Variants in ZNF536 observed in about 807,000 individuals in gnomAD.
ZNF536 encodes zinc finger protein 536.
ZNF536 carries 13 observed loss-of-function variants against 84.5 expected under a neutral mutation model. The ratio of observed to expected loss-of-function variants is 0.15; its 90% CI spans 0.10 to 0.24. The LOEUF (loss-of-function observed/expected upper bound fraction) is 0.24, where lower values mean the gene tolerates loss of function less well. Ranked by LOEUF, ZNF536 falls within the 10% of genes least tolerant of loss-of-function variation. The probability of loss-of-function intolerance (pLI) is 1.00; values close to 1 mark genes in which losing one functional copy is unlikely to be tolerated. For synonymous variants in ZNF536, 811 were observed against 742.5 expected, an observed-to-expected ratio of 1.09 and a Z score of -1.50; for missense variants, 1,536 against 1,747.5, an observed-to-expected ratio of 0.88 and a Z score of 2.16.
chr19:30,427,936 T>A (rs899807264), intron 1 of ZNF536, among the ~76,000 whole-genome samples: 1 of 152,192 alleles, frequency 6.6e-6, no homozygotes, highest in Non-Finnish European at 1.5e-5. Flanking sequence ...AACCTTGCTA[T>A]TGTTTTGATT....
Position 30,605,432 on chromosome 19 carries a change from A to G in ZNF536, c.169+55918A>G, listed in dbSNP as rs561310797. Among the ~76,000 whole-genome samples the G allele has an allele frequency of 1.5e-4, 23 of 152,208 alleles. No individual in the cohort carries two copies. The East Asian group carries it at 3.9e-3, about 26-fold the overall frequency. ...AGCTCCCACTTCTAACTGAGAACATACAGTATTTGGTTTTCCATTCCTGAG... is the reference window on the plus strand; with the variant it reads ...AGCTCCCACTTCTAACTGAGAACATGCAGTATTTGGTTTTCCATTCCTGAG... On this transcript the variant is annotated intron_variant, in intron 1 of 1. Coordinates refer to the ZNF536 transcript ENST00000592773.
chr19:30,498,863 G>A (rs759995428), intron 2 of ZNF536, among the ~76,000 whole-genome samples: 1 of 152,086 alleles, frequency 6.6e-6, no homozygotes, highest in Admixed American at 6.5e-5. Flanking sequence ...CTCTACCGGG[G>A]GCGCAAGTAG....
rs532073902 is a variant in ZNF536 at position 30,526,752 on chromosome 19, G to T, written c.2171-8095G>T. Among the ~76,000 whole-genome samples the T allele has an allele frequency of 6.6e-5, 10 of 151,354 alleles. No individual in the cohort carries two copies. The East Asian group carries it at 1.7e-3, about 26-fold the overall frequency. On this transcript the variant is annotated intron_variant, in intron 2 of 4. Transcript: ENST00000355537. The stretch of plus-strand genomic sequence containing the variant: ...AAAAAAAAAAAAAAAAAAAGAACGG[G>T]TTCAGGGCTTGGGAAAACCAGAAAC...
chr19:30,308,146 G>A (rs1035182230), intron 2 of ZNF536, among the ~76,000 whole-genome samples: 5 of 152,284 alleles, frequency 3.3e-5, no homozygotes, highest in African/African-American at 1.2e-4. Context: ...CCTCACCTGT[G>A]GAGGTGAGCA....
chr19:30,462,398 T>A (rs2053182487), intron 2 of ZNF536, among the ~76,000 whole-genome samples: 1 of 152,140 alleles, frequency 6.6e-6, no homozygotes, highest in Non-Finnish European at 1.5e-5. Flanking sequence ...GGGGTGGTGA[T>A]GCTGTATGTA....
intron 1 of ZNF536, among the ~76,000 whole-genome samples, chr19:30,582,320 C>T (rs183140215): frequency 4.4e-4 from 66 of 151,272 alleles, no homozygotes; most frequent in Non-Finnish European, 4.4e-5. Context: ...TCTCTACATG[C>T]TGCAGCTTCC....
chr19:30,527,420 A>G (rs73536780), intron 2 of ZNF536, among the ~76,000 whole-genome samples: 3,134 of 151,960 alleles, frequency 0.021, 107 homozygotes, highest in African/African-American at 0.072. Flanking sequence ...AGTGAGGTCC[A>G]ATCCCGACCC....
rs758445796 is a variant in ZNF536, at chr19:30,549,075, C to T, written c.3456C>T (p.Thr1152=). ...EEDVPILIPE[T]TSKNTTDDLS... is the part of the protein sequence containing the mutation. ...ATGTCCCCATCCTGATCCCCGAAAC[C>T]ACGAGTAAGAACACTACTGATGACC... Residue 1152 remains threonine, a synonymous_variant, in exon 4 of 5, where the codon ACC becomes ACT. Transcript: ENST00000355537. 1.2e-6 allele frequency: 2 copies of T among 1,614,186 alleles called. No homozygotes were observed. Among genetic ancestry groups the T allele is most frequent in the Non-Finnish European group, 1.7e-6 (2 of 1,180,040 alleles).
At chr19:30,537,888 C>T (rs933653982) in intron 3 of ZNF536, among the ~76,000 whole-genome samples, 1 of 152,142 alleles carries the variant, frequency 6.6e-6, no homozygotes, top group Non-Finnish European at 1.5e-5. Context: ...AAGCAGCATT[C>T]GCCGTATGTA....
At chr19:30,535,863 C>T (rs1179796476) in intron 3 of ZNF536, among the ~76,000 whole-genome samples, 1 of 152,070 alleles carries the variant, frequency 6.6e-6, no homozygotes, top group East Asian at 1.9e-4. Context: ...TGGTTTATTT[C>T]CCAAGGAATC....
At chr19:30,268,066 T>G (rs528290526) in intron 1 of ZNF536, among the ~76,000 whole-genome samples, 1 of 93,840 alleles carries the variant, frequency 1.1e-5, no homozygotes, top group Non-Finnish European at 2.0e-5. Flanking sequence ...TCTCTCCCCC[T>G]CTCATCCTTC....
chr19:30,532,814 C>G (rs1406068442), intron 2 of ZNF536, among the ~76,000 whole-genome samples: 1 of 152,186 alleles, frequency 6.6e-6, no homozygotes. Flanking sequence ...GTAGATTCAA[C>G]CTGCAGGACA....
intron 1 of ZNF536, among the ~76,000 whole-genome samples, chr19:30,663,220 AGT>A (rs1489209123): frequency 6.6e-6 from 1 of 151,866 alleles, no homozygotes; most frequent in Non-Finnish European, 1.5e-5. Flanking sequence ...TTAATATCTA[AGT>A]ACAGTAATGC....
intron 2 of ZNF536, among the ~76,000 whole-genome samples, chr19:30,456,083 T>G (rs1221923900): frequency 6.6e-6 from 1 of 152,182 alleles, no homozygotes; most frequent in Non-Finnish European, 1.5e-5. Context: ...CAATAAAACT[T>G]TATTGAAATT....
intron 2 of ZNF536, among the ~76,000 whole-genome samples, chr19:30,303,830 G>C (rs904535716): frequency 1.4e-4 from 21 of 152,182 alleles, no homozygotes; most frequent in African/African-American, 5.1e-4. Context: ...AGATACTATC[G>C]GTGCCCCTTG....
chr19:30,511,035 G>A (rs1337415205), intron 2 of ZNF536, among the ~76,000 whole-genome samples: 1 of 152,178 alleles, frequency 6.6e-6, no homozygotes, highest in African/African-American at 2.4e-5. Context: ...TCTGAAGTGT[G>A]GGTGGAGTAC....
upstream of ZNF536, among the ~76,000 whole-genome samples, chr19:30,371,341 G>A (rs530965358): frequency 1.1e-4 from 17 of 152,272 alleles, 1 homozygote; most frequent in African/African-American, 1.4e-4. Flanking sequence ...CTTTGCAGCC[G>A]CTCTCATCAC....
intron 1 of ZNF536, among the ~76,000 whole-genome samples, chr19:30,622,181 T>A (rs1345074505): frequency 6.6e-6 from 1 of 152,252 alleles, no homozygotes; most frequent in Non-Finnish European, 1.5e-5. Flanking sequence ...TTTGGGTGTT[T>A]TGGGCAATTT....
intron 1 of ZNF536, among the ~76,000 whole-genome samples, chr19:30,608,221 T>C (rs2047965681): frequency 6.6e-6 from 1 of 152,226 alleles, no homozygotes; most frequent in Non-Finnish European, 1.5e-5. Flanking sequence ...CAGACCAGAA[T>C]GAATCTTGAA....
Sources: allele counts gnomAD v4.1 joint callset (sites outside exome capture counted in the v4.1 genomes callset), GRCh38; gene constraint gnomAD v4.1.1; transcripts MANE v1.5; gene names NCBI Gene and HGNC (gene_info 2026-07-23, HGNC 2026-07-21).